The following FBXO28 variants were observed in gnomAD, a reference collection of about 807,000 sequenced individuals.
FBXO28 encodes F-box protein 28.
In FBXO28, 8 loss-of-function variants were observed where a neutral mutation model predicts 38.1. The observed-to-expected ratio is 0.21, with a 90% CI of 0.12 to 0.38. The LOEUF is 0.38. FBXO28 is among the 10% of genes least tolerant of loss of function. The pLI is 1.00. For missense variants in FBXO28, 345 were observed against 460.6 expected, an observed-to-expected ratio of 0.75 and a Z score of 2.30; for synonymous variants, 168 against 173.8, an observed-to-expected ratio of 0.97 and a Z score of 0.26.
chr1:224,133,720 A>G (rs1657109951), intron 2 of FBXO28, among the ~76,000 whole-genome samples: 1 of 152,000 alleles, frequency 6.6e-6, no homozygotes, highest in Admixed American at 6.6e-5. Context: ...CATGTTGCCC[A>G]GCCTGGTCTC....
In FBXO28 at chr1:224,146,599, C is replaced by T. The variant is rs368658208; in HGVS notation, c.517-6543C>T. On this transcript the variant is annotated intron_variant, in intron 3 of 4. Coordinates refer to ENST00000366862, the MANE Select transcript of FBXO28 (RefSeq NM_015176.4). ...TAATTTTTGTAGAGACTGTTTCTAG[C>T]TATGTTGCTCTTGAACTCCTGCCTC... Among the ~76,000 whole-genome samples, 58 of 152,012 alleles carry T rather than the reference C, an allele frequency of 3.8e-4. 1 individual carries two copies. In the South Asian group the frequency reaches 0.012, roughly 31 times the overall value.
At position 224,114,143 on chromosome 1, in the gene FBXO28, C is replaced by T; in HGVS notation, c.14C>T (p.Ala5Val). Residue 5 changes from alanine (A) to valine (V), a missense_variant, in exon 1 of 5, where the codon GCG (alanine) becomes GTG (valine). Coordinates refer to ENST00000366862, the MANE Select transcript of FBXO28 (RefSeq NM_015176.4). Reference sequence around the variant, plus strand: ...CAAGCCCCCAAGATGGCGGCAGCGGCGGAGGAGCGGATGGCAGAGGAAGGA... The same window carrying T: ...CAAGCCCCCAAGATGGCGGCAGCGGTGGAGGAGCGGATGGCAGAGGAAGGA... MAAA[A>V]EERMAEEGGG... The T allele has an allele frequency of 1.9e-6, 3 of 1,541,840 alleles. No homozygotes were observed. The highest frequency in any genetic ancestry group is 2.6e-6 in the Non-Finnish European group (3 of 1,143,152).
chr1:224,121,533 A>G (rs913859136), intron 1 of FBXO28, among the ~76,000 whole-genome samples: 1 of 152,344 alleles, frequency 6.6e-6, no homozygotes, highest in Admixed American at 6.5e-5. Context: ...TCTGTCACCC[A>G]TGCTGGAGTG....
chr1:224,118,572 C>G (rs1202125884), intron 1 of FBXO28, among the ~76,000 whole-genome samples: 1 of 152,176 alleles, frequency 6.6e-6, no homozygotes. Flanking sequence ...AGATATTTCT[C>G]TAGAGCACTT....
intron 3 of FBXO28, among the ~76,000 whole-genome samples, chr1:224,147,826 C>CAAAA (rs3065995): frequency 7.8e-6 from 1 of 127,866 alleles, no homozygotes. Flanking sequence ...ATGTAATTTG[C>CAAAA]AAAAAAAAAA....
In FBXO28 at chr1:224,158,423, T is replaced by A; in HGVS notation, c.*677T>A. 1 of 163,774 alleles carries A rather than the reference T, an allele frequency of 6.1e-6. No individual in the cohort carries two copies. The highest frequency in any genetic ancestry group is 1.3e-5 in the Non-Finnish European group (1 of 78,158). The allele number at this position is 163,774 out of a possible 1,614,324, so 10.1% of individuals were successfully genotyped here. A position where few individuals can be genotyped will look rare whatever the true frequency, so the allele number is the denominator to read the frequency against. ...ACATTTGCATGGATGGATGCATGCA[T>A]TGCCTAGTCAACTCACTTAAAAAGC... On this transcript the variant is annotated 3_prime_UTR_variant, in exon 5 of 5. Coordinates refer to ENST00000366862, the MANE Select transcript of FBXO28 (RefSeq NM_015176.4).
intron 3 of FBXO28, among the ~76,000 whole-genome samples, chr1:224,140,782 TAAAAATACA>T (rs1657325703): frequency 6.6e-6 from 1 of 151,794 alleles, no homozygotes; most frequent in Non-Finnish European, 1.5e-5. Flanking sequence ...CCATCTCTAC[TAAAAATACA>T]AAAAATTAGC....
intron 3 of FBXO28, among the ~76,000 whole-genome samples, chr1:224,139,360 A>T (rs1657282666): frequency 6.6e-6 from 1 of 151,792 alleles, no homozygotes; most frequent in Non-Finnish European, 1.5e-5. Flanking sequence ...CACAAAAATT[A>T]CAAGACTAGT....
intron 3 of FBXO28, among the ~76,000 whole-genome samples, chr1:224,148,451 C>T (rs1657563305): frequency 6.6e-6 from 1 of 151,960 alleles, no homozygotes; most frequent in South Asian, 2.1e-4. Context: ...GAGATCAAGA[C>T]CATCCTGCCT....
intron 3 of FBXO28, among the ~76,000 whole-genome samples, chr1:224,141,065 C>G (rs544733641): frequency 1.3e-3 from 198 of 152,040 alleles, no homozygotes; most frequent in African/African-American, 4.6e-3. Context: ...ACCTGTTGTC[C>G]CAGCTACTCA....
intron 1 of FBXO28, among the ~76,000 whole-genome samples, chr1:224,116,593 TTAGG>T (rs1451835738): frequency 6.6e-6 from 1 of 152,206 alleles, no homozygotes; most frequent in Non-Finnish European, 1.5e-5. Flanking sequence ...ATGTCAGTTG[TTAGG>T]TAGGAGTTAG....
Position 224,158,422 on chromosome 1 carries a change from A to AAATG in FBXO28, c.*676_*677insAATG. 1 of 164,966 alleles carries AAATG rather than the reference A, an allele frequency of 6.1e-6. No homozygotes were observed. Among genetic ancestry groups the AAATG allele is most frequent in the Non-Finnish European group, 1.3e-5 (1 of 79,284 alleles). The allele number at this position is 164,966 out of a possible 1,614,324, so 10.2% of individuals were successfully genotyped here. A position where few individuals can be genotyped will look rare whatever the true frequency, so the allele number is the denominator to read the frequency against. ...TACATTTGCATGGATGGATGCATGC[A>AAATG]TTGCCTAGTCAACTCACTTAAAAAG... On this transcript the variant is annotated 3_prime_UTR_variant, in exon 5 of 5. Transcript: ENST00000366862.
At chr1:224,153,488 C>T in intron 4 of FBXO28, 151 bp downstream of exon 4, 1 of 577,846 alleles carries the variant, frequency 1.7e-6, no homozygotes. Context: ...CCATAACTTA[C>T]ACAACTAATC....
intron 1 of FBXO28, among the ~76,000 whole-genome samples, chr1:224,128,290 A>G (rs2102615204): frequency 6.6e-6 from 1 of 151,264 alleles, no homozygotes; most frequent in Admixed American, 6.6e-5. Context: ...CTTGTACTGC[A>G]ACGTCTACCC....
chr1:224,131,592 A>G (rs1657049967), intron 2 of FBXO28, among the ~76,000 whole-genome samples: 1 of 152,194 alleles, frequency 6.6e-6, no homozygotes, highest in South Asian at 2.1e-4. Flanking sequence ...TTTTCAACAA[A>G]TGATGCTGGG....
chr1:224,146,927 C>T (rs947547747), intron 3 of FBXO28, among the ~76,000 whole-genome samples: 1 of 149,736 alleles, frequency 6.7e-6, no homozygotes, highest in Non-Finnish European at 1.5e-5. Flanking sequence ...AGGCTGGTCT[C>T]GAACTCCTGA....
intron 3 of FBXO28, among the ~76,000 whole-genome samples, chr1:224,138,030 C>T (rs1572016107): frequency 1.3e-5 from 2 of 151,848 alleles, no homozygotes; most frequent in East Asian, 3.9e-4. Context: ...GAGTTCAAGA[C>T]CAGCCTGGCC....
intron 1 of FBXO28, among the ~76,000 whole-genome samples, chr1:224,122,992 C>G (rs994472268): frequency 6.6e-6 from 1 of 151,906 alleles, no homozygotes. Flanking sequence ...ATTAGAAGAC[C>G]TGGATTCTTA....
chr1:224,135,224 T>C (rs374375504), intron 3 of FBXO28, among the ~76,000 whole-genome samples: 52 of 152,302 alleles, frequency 3.4e-4, no homozygotes, highest in African/African-American at 1.3e-3. Context: ...TTATGCCAGA[T>C]TTTTCTGAAT....
Sources: allele counts gnomAD v4.1 joint callset (sites outside exome capture counted in the v4.1 genomes callset), GRCh38; gene constraint gnomAD v4.1.1; transcripts MANE v1.5; gene names NCBI Gene and HGNC (gene_info 2026-07-23, HGNC 2026-07-21).